PTPRT: variants seen among roughly 807,000 people sequenced by gnomAD.
The protein encoded by PTPRT is protein tyrosine phosphatase receptor type T, also known as receptor-type tyrosine-protein phosphatase T.
PTPRT carries 56 observed loss-of-function variants against 176.8 expected under a neutral mutation model. The ratio of observed to expected loss-of-function variants is 0.32; its 90% CI spans 0.26 to 0.40. The LOEUF (loss-of-function observed/expected upper bound fraction) is 0.40, where lower values mean the gene tolerates loss of function less well. PTPRT is among the 10% of genes least tolerant of loss of function. PTPRT has a pLI of 1.00. For missense variants in PTPRT, 1,540 were observed against 1,908.2 expected (o/e 0.81, Z 3.60); for synonymous variants, 783 against 739.0 (o/e 1.06, Z -0.96).
chr20:42,713,074 G>C (rs886623636), intron 6 of PTPRT, among the ~76,000 whole-genome samples: 2 of 151,666 alleles, frequency 1.3e-5, no homozygotes, highest in East Asian at 3.9e-4. Flanking sequence ...AAGATAATAT[G>C]ATGGGGATTT....
intron 11 of PTPRT, among the ~76,000 whole-genome samples, chr20:42,321,585 G>A (rs557420450): frequency 4.6e-5 from 7 of 152,124 alleles, no homozygotes; most frequent in East Asian, 1.9e-4. Flanking sequence ...ATTCTGAGTC[G>A]TTGTACACCA....
chr20:43,019,461 A>G (rs1985544541), intron 1 of PTPRT, among the ~76,000 whole-genome samples: 1 of 151,972 alleles, frequency 6.6e-6, no homozygotes, highest in Non-Finnish European at 1.5e-5. Flanking sequence ...TCTATTAAAA[A>G]TACAAAAATT....
intron 7 of PTPRT, among the ~76,000 whole-genome samples, chr20:42,634,001 A>ATATATAT (rs2074506386): frequency 4.6e-5 from 1 of 21,910 alleles, no homozygotes; most frequent in Non-Finnish European, 7.1e-5. Context: ...TATATATATT[A>ATATATAT]TATATATATA....
intron 2 of PTPRT, among the ~76,000 whole-genome samples, chr20:42,838,993 C>A (rs1569184233): frequency 1.3e-5 from 2 of 152,124 alleles, no homozygotes; most frequent in African/African-American, 2.4e-5. Flanking sequence ...TATCTCCTAT[C>A]ACTGCTTGCC....
chr20:42,448,161 A>G, intron 9 of PTPRT, 59 bp downstream of exon 9: 2 of 1,308,338 alleles, frequency 1.5e-6, no homozygotes, highest in South Asian at 2.4e-5. Flanking sequence ...CACCAATGTC[A>G]GGCTGAAGTG....
At chr20:42,356,993 G>T (rs779887146) in intron 9 of PTPRT, among the ~76,000 whole-genome samples, 1 of 152,070 alleles carries the variant, frequency 6.6e-6, no homozygotes, top group Non-Finnish European at 1.5e-5. Context: ...CACTTACAGG[G>T]ACTCTTTTTA....
At chr20:42,455,987 A>G in intron 8 of PTPRT, among the ~76,000 whole-genome samples, 1 of 152,046 alleles carries the variant, frequency 6.6e-6, no homozygotes. Flanking sequence ...AGTTGCATGT[A>G]TTATAGATCA....
At chr20:42,067,368 C>A in the PTPRT span, among the ~76,000 whole-genome samples, 1 of 152,168 alleles carries the variant, frequency 6.6e-6, no homozygotes, top group Admixed American at 6.5e-5. Context: ...CCATTAGGAG[C>A]TAGCTGCCTA....
intron 6 of PTPRT, among the ~76,000 whole-genome samples, chr20:42,711,847 G>A (rs551452068): frequency 6.6e-6 from 1 of 151,538 alleles, no homozygotes; most frequent in Non-Finnish European, 1.5e-5. Context: ...CTAACAAGTG[G>A]AGAAAATGAG....
At chr20:42,619,541 A>T (rs1411204098) in intron 7 of PTPRT, among the ~76,000 whole-genome samples, 11 of 132,460 alleles carry the variant, frequency 8.3e-5, no homozygotes. Flanking sequence ...AGTGTTTTCC[A>T]ACTTGGTTCC....
rs375694172 is a variant in PTPRT at position 42,825,804 on chromosome 20, T to A, written c.215-34338A>T. The stretch of plus-strand genomic sequence containing the variant: ...GAAAAATGGTTGGACAAATGGTAAC[T>A]GATTAAGCAGAGCAGTGAAAACTGA... On this transcript the variant is annotated intron_variant, in intron 2 of 30. Coordinates refer to ENST00000373187, the MANE Select transcript of PTPRT (RefSeq NM_007050.6). 2.0e-5 allele frequency among the ~76,000 whole-genome samples: 3 copies of A among 152,160 alleles called. No homozygotes were observed. In the East Asian group the frequency reaches 5.8e-4, roughly 29 times the overall value.
intron 7 of PTPRT, among the ~76,000 whole-genome samples, chr20:42,620,813 C>T (rs6102953): frequency 0.21 from 31,937 of 152,024 alleles, 4,586 homozygotes; most frequent in African/African-American, 0.41. Context: ...GCACGGTGCG[C>T]GCACCCACTG....
At chr20:43,059,243 T>A (rs1197202772) in intron 1 of PTPRT, among the ~76,000 whole-genome samples, 3 of 152,222 alleles carry the variant, frequency 2.0e-5, no homozygotes, top group Non-Finnish European at 4.4e-5. Context: ...TTTTTTTCAA[T>A]ATGTATAGGC....
chr20:42,045,711 CTG>C, the PTPRT span, among the ~76,000 whole-genome samples: 1 of 151,728 alleles, frequency 6.6e-6, no homozygotes, highest in African/African-American at 2.4e-5. Flanking sequence ...GATGAGGAAA[CTG>C]AGACTTACAG....
At chr20:42,285,010 C>T (rs543705924) in intron 12 of PTPRT, among the ~76,000 whole-genome samples, 16 of 149,266 alleles carry the variant, frequency 1.1e-4, no homozygotes, top group East Asian at 2.0e-4. Context: ...CAGTAAAGGA[C>T]ATTGCTCTAA....
chr20:42,702,326 C>T (rs1433563795), intron 6 of PTPRT, among the ~76,000 whole-genome samples: 1 of 152,126 alleles, frequency 6.6e-6, no homozygotes, highest in Non-Finnish European at 1.5e-5. Flanking sequence ...TCTCAATGTG[C>T]AATGCTCATT....
chr20:42,198,973 A>T (rs1991339672), intron 16 of PTPRT, among the ~76,000 whole-genome samples: 1 of 151,988 alleles, frequency 6.6e-6, no homozygotes. Context: ...ATTATTTTTA[A>T]CCTGTCTCTA....
At chr20:42,987,406 T>C (rs56385969) in intron 1 of PTPRT, among the ~76,000 whole-genome samples, 1,587 of 152,334 alleles carry the variant, frequency 0.01, 10 homozygotes, top group Non-Finnish European at 0.018. Flanking sequence ...GCAGTGCAGA[T>C]ACAGAATACT....
At chr20:43,084,459 C>G (rs1461233775) in intron 1 of PTPRT, among the ~76,000 whole-genome samples, 3 of 152,236 alleles carry the variant, frequency 2.0e-5, no homozygotes, top group East Asian at 3.9e-4. Context: ...AATGGGGAAA[C>G]TGCCAAACAC....
Sources: gnomAD v4.1 joint callset for allele counts (sites outside exome capture counted in the v4.1 genomes callset) on GRCh38, gnomAD v4.1.1 for gene constraint, MANE v1.5 for transcripts, NCBI Gene and HGNC (gene_info 2026-07-23, HGNC 2026-07-21) for gene names.